TNRC18: variants seen among roughly 807,000 people sequenced by gnomAD.
TNRC18 encodes trinucleotide repeat-containing gene 18 protein.
TNRC18 carries 69 observed loss-of-function variants against 226.7 expected under a neutral mutation model. That is an observed-to-expected ratio of 0.30 (90% confidence interval 0.25 to 0.37). TNRC18 has a LOEUF of 0.37. Among genes scored for constraint, TNRC18 ranks in the 10% least tolerant of loss-of-function variants. The probability of loss-of-function intolerance (pLI) is 1.00; values close to 1 mark genes in which losing one functional copy is unlikely to be tolerated. For missense variants in TNRC18, 4,754 were observed against 4,256.6 expected (o/e 1.12, Z -3.25); for synonymous variants, 2,449 against 1,927.6 (o/e 1.27, Z -7.09).
chr7:5,371,577 A>G (rs993929569), intron 10 of TNRC18, among the ~76,000 whole-genome samples: 2 of 152,176 alleles, frequency 1.3e-5, no homozygotes, highest in South Asian at 2.1e-4. Context: ...CTTGTCCCCA[A>G]GGTCTTGTGG....
chr7:5,387,625 G>C (rs142955805), intron 5 of TNRC18, 47 bp downstream of exon 5: 2 of 1,595,298 alleles, frequency 1.3e-6, no homozygotes, highest in South Asian at 1.1e-5. Context: ...GGAAACGGCA[G>C]AGAGACCCAA....
intron 16 of TNRC18, 62 bp downstream of exon 16, chr7:5,356,854 G>T: frequency 6.8e-7 from 1 of 1,468,262 alleles, no homozygotes; most frequent in Non-Finnish European, 9.0e-7. Context: ...GGACGGTGGA[G>T]AGAAGAGGGG....
rs1780488364 is a variant in TNRC18 at position 5,394,093 on chromosome 7, T to G, written c.343+347A>C. ...ACTAGGCCCTGAACTCAGGGCTCAC[T>G]CCGGTGGGAAAGCGGGTAGTTCATG... On this transcript the variant is annotated intron_variant, in intron 3 of 29. Transcript: ENST00000430969. The surrounding 1 kb of genome is among the most constrained non-coding windows in gnomAD (Gnocchi z 4.5). 6.6e-6 allele frequency among the ~76,000 whole-genome samples: 1 copy of G among 152,058 alleles called. No individual in the cohort carries two copies. The highest frequency in any genetic ancestry group is 6.6e-5 in the Admixed American group (1 of 15,260).
Position 5,306,815 on chromosome 7 carries a change from CTTTTT to C in TNRC18, c.*1286_*1290del, listed in dbSNP as rs902186140. 2 of 150,990 alleles carry C rather than the reference CTTTTT, an allele frequency of 1.3e-5. No individual in the cohort carries two copies. Among genetic ancestry groups the C allele is most frequent in the East Asian group, 1.9e-4 (1 of 5,172 alleles). The allele number at this position is 150,990 out of a possible 1,614,324, so 9.4% of individuals were successfully genotyped here. A position where few individuals can be genotyped will look rare whatever the true frequency, so the allele number is the denominator to read the frequency against. The stretch of plus-strand genomic sequence containing the variant: ...TTTTATTTTTCCAATTAAATCTTTT[CTTTTT>C]TTTTATGAAAAAAGATCACACAGAA... On this transcript the variant is annotated 3_prime_UTR_variant, in exon 30 of 30. Transcript: ENST00000430969.
chr7:5,345,521 C>CCCCCCCCCCCCCCCCCCCCCCCCCCCCA, intron 18 of TNRC18, 41 bp downstream of exon 18: 9 of 189,874 alleles, frequency 4.7e-5, no homozygotes, highest in Non-Finnish European at 3.3e-5. Flanking sequence ...GCGTCCGCCC[C>CCCCCCCCCCCCCCCCCCCCCCCCCCCCA]TCCCACCCAC....
At chr7:5,323,260 G>C (rs1048781712) in intron 21 of TNRC18, among the ~76,000 whole-genome samples, 10 of 152,052 alleles carry the variant, frequency 6.6e-5, no homozygotes, top group African/African-American at 2.4e-4. Flanking sequence ...CCCAGCCTGG[G>C]CGTGACTTCC....
At position 5,388,094 on chromosome 7, in the gene TNRC18, T is replaced by C. The variant is rs945673465; in HGVS notation, c.1730A>G (p.His577Arg). 4.5e-6 allele frequency: 7 copies of C among 1,553,356 alleles called. No homozygotes were observed. Among genetic ancestry groups the C allele is most frequent in the South Asian group, 2.4e-5 (2 of 84,554 alleles). Residue 577 changes from histidine to arginine, a missense_variant, in exon 5 of 30, where the codon CAC (histidine) becomes CGC (arginine). Transcript: ENST00000430969. Reference sequence around the variant, plus strand: ...CATGGCCGAGGCCTCTCCAGACCCGTGGGCCGCAGAGTGCATGTCAGCGAC... The same window carrying C: ...CATGGCCGAGGCCTCTCCAGACCCGCGGGCCGCAGAGTGCATGTCAGCGAC... ...RPVADMHSAA[H>R]GSGEASAMQS...
intron 11 of TNRC18, among the ~76,000 whole-genome samples, chr7:5,368,266 C>G (rs1015556616): frequency 1.3e-5 from 2 of 150,170 alleles, no homozygotes; most frequent in East Asian, 3.9e-4. Context: ...CAAGAGTTCG[C>G]GACCAGCCTG....
chr7:5,387,592 A>C, intron 5 of TNRC18, 80 bp downstream of exon 5: 15 of 1,506,406 alleles, frequency 1.0e-5, no homozygotes, highest in Non-Finnish European at 1.3e-5. Flanking sequence ...AGCAAAGGGA[A>C]AGGGCCCACA....
chr7:5,404,622 G>A (rs1332765050), intron 2 of TNRC18, among the ~76,000 whole-genome samples: 1 of 152,092 alleles, frequency 6.6e-6, no homozygotes, highest in Admixed American at 6.6e-5. Context: ...ACCGAGGACT[G>A]CAGGCGCCCA....
At position 5,324,441 on chromosome 7, in the gene TNRC18, C is replaced by A; in HGVS notation, c.6301-86G>T. The A allele has an allele frequency of 5.2e-6, 8 of 1,536,726 alleles. No individual in the cohort carries two copies. The highest frequency in any genetic ancestry group is 7.1e-6 in the Non-Finnish European group (8 of 1,132,734). ...GGGACCCTCTCTGGAAACCTGGAGC[C>A]ACAGTCAGGCCGCAGGGGGAATCTG... On this transcript the variant is annotated intron_variant, in intron 20 of 29. Transcript: ENST00000430969. This position sits in a 1 kb window ranked among gnomAD's most constrained non-coding sequence, Gnocchi z 4.8.
intron 2 of TNRC18, chr7:5,419,910 AG>A (rs1782440910): frequency 6.4e-6 from 1 of 156,152 alleles, no homozygotes; most frequent in South Asian, 1.8e-4. Flanking sequence ...AGAGACCCCA[AG>A]GAAGAGGGGA....
At chr7:5,418,943 C>G (rs1203981289) in intron 2 of TNRC18, among the ~76,000 whole-genome samples, 1 of 152,206 alleles carries the variant, frequency 6.6e-6, no homozygotes, top group Non-Finnish European at 1.5e-5. Flanking sequence ...GGGAGGGGGA[C>G]AGCCAGAACC....
Position 5,315,381 on chromosome 7 carries a change from C to T in TNRC18, c.6863-233G>A, listed in dbSNP as rs566576236. ...AGTAAAACAAAGCACTTTGTGGAAC[C>T]GGGACAGGTGGATAAAGATGCTGAC... On this transcript the variant is annotated intron_variant, in intron 25 of 29. Transcript: ENST00000430969. Among the ~76,000 whole-genome samples, 66 of 151,104 alleles carry T rather than the reference C, an allele frequency of 4.4e-4. No individual in the cohort carries two copies. In the East Asian group the frequency reaches 5.6e-3, roughly 13 times the overall value.
rs780350444 is a variant in TNRC18 at position 5,357,293 on chromosome 7, G to C, written c.4834-17C>G. Reference sequence around the variant, plus strand: ...AATCTTTAGCTGGAGAGGGAAGGTGGGTCATGGGTTAAAAGATCTGACAAA... The same window carrying C: ...AATCTTTAGCTGGAGAGGGAAGGTGCGTCATGGGTTAAAAGATCTGACAAA... On this transcript the variant is annotated splice_polypyrimidine_tract_variant and intron_variant, in intron 15 of 29. Coordinates refer to ENST00000430969, the MANE Select transcript of TNRC18 (RefSeq NM_001080495.3). 50 of 1,600,782 alleles carry C rather than the reference G, an allele frequency of 3.1e-5. No homozygotes were observed. Among genetic ancestry groups the C allele is most frequent in the Non-Finnish European group, 3.8e-5 (45 of 1,172,936 alleles).
chr7:5,397,222 G>A (rs956983879), intron 2 of TNRC18, among the ~76,000 whole-genome samples: 1 of 152,204 alleles, frequency 6.6e-6, no homozygotes, highest in African/African-American at 2.4e-5. Context: ...GCCCTGCTGA[G>A]CCCCGGGCTT....
At chr7:5,350,720 T>C (rs1249896263) in intron 17 of TNRC18, among the ~76,000 whole-genome samples, 1 of 152,200 alleles carries the variant, frequency 6.6e-6, no homozygotes, top group Non-Finnish European at 1.5e-5. Flanking sequence ...AGAAGCACAA[T>C]TCTGACACTG....
chr7:5,369,833 C>A (rs1793979891), intron 11 of TNRC18, among the ~76,000 whole-genome samples: 1 of 152,080 alleles, frequency 6.6e-6, no homozygotes, highest in African/African-American at 2.4e-5. Flanking sequence ...GAAATTTCAC[C>A]ACCAGGAAAC....
intron 2 of TNRC18, among the ~76,000 whole-genome samples, chr7:5,406,947 C>G (rs1034885997): frequency 7.2e-5 from 11 of 152,172 alleles, no homozygotes; most frequent in Admixed American, 3.9e-4. Flanking sequence ...ACACCCCCAC[C>G]TCCCTGCCAG....
Sources: allele counts gnomAD v4.1 joint callset (sites outside exome capture counted in the v4.1 genomes callset), GRCh38; gene constraint gnomAD v4.1.1; non-coding constraint Gnocchi (gnomAD v3.1); transcripts MANE v1.5; gene names NCBI Gene and HGNC (gene_info 2026-07-23, HGNC 2026-07-21).